CMKLR1: variants seen among roughly 807,000 people sequenced by gnomAD.
The protein encoded by CMKLR1 is chemerin-like receptor 1.
Under a neutral mutation model 8.2 loss-of-function variants are expected in CMKLR1, and 6 were observed. The observed-to-expected ratio is 0.73, with a 90% confidence interval of 0.40 to 1.44. The LOEUF (loss-of-function observed/expected upper bound fraction) is 1.44. Ranked by LOEUF, CMKLR1 falls within the 40% of genes most tolerant of loss-of-function variation. The pLI is 0.02. For missense variants in CMKLR1, 429 were observed against 478.0 expected, an observed-to-expected ratio of 0.90 and a Z score of 0.96; for synonymous variants, 178 against 181.2, an observed-to-expected ratio of 0.98 and a Z score of 0.14.
At chr12:108,334,006 C>G (rs953097403) in intron 1 of CMKLR1, among the ~76,000 whole-genome samples, 3 of 152,244 alleles carry the variant, frequency 2.0e-5, no homozygotes, top group African/African-American at 7.2e-5. Flanking sequence ...CTACGGCCAC[C>G]TCCTCAGCAG....
chr12:108,297,339 T>TA (rs1052894245), intron 2 of CMKLR1, among the ~76,000 whole-genome samples: 3 of 152,162 alleles, frequency 2.0e-5, no homozygotes, highest in South Asian at 4.2e-4. Flanking sequence ...ACATATAACA[T>TA]AAAAAAATAC....
intron 2 of CMKLR1, among the ~76,000 whole-genome samples, chr12:108,314,080 G>C (rs759649001): frequency 2.6e-5 from 4 of 152,308 alleles, no homozygotes. Context: ...CAGGTTTGTC[G>C]ATTTTTTATT....
chr12:108,339,199 C>G lies in CMKLR1; in HGVS notation c.-459G>C, dbSNP rs996576167. The G allele has an allele frequency of 2.0e-5, 3 of 152,378 alleles. No homozygotes were observed. The highest frequency in any genetic ancestry group is 6.5e-5 in the Admixed American group (1 of 15,282). 9.4% of individuals were successfully genotyped at this position (152,378 alleles called of 1,614,324 possible). On this transcript the variant is annotated 5_prime_UTR_variant, in exon 1 of 4. Coordinates refer to ENST00000550402, the MANE Select transcript of CMKLR1 (RefSeq NM_001142343.2). ...TCATTCATTTGTTCATTCAAGATCC[C>G]CCTCTGAACCCCCAGAGCGCCGCAG...
At chr12:108,309,532 T>G (rs1409672044) in intron 2 of CMKLR1, among the ~76,000 whole-genome samples, 1 of 146,542 alleles carries the variant, frequency 6.8e-6, no homozygotes, top group South Asian at 2.1e-4. Context: ...GAGACCTCCA[T>G]CTCCAAAAAA....
At chr12:108,314,723 T>C (rs763830254) in intron 2 of CMKLR1, among the ~76,000 whole-genome samples, 1 of 151,018 alleles carries the variant, frequency 6.6e-6, no homozygotes, top group Non-Finnish European at 1.5e-5. Flanking sequence ...AGTGGGACAC[T>C]ACTCTTTCTT....
intron 2 of CMKLR1, among the ~76,000 whole-genome samples, chr12:108,308,474 C>T (rs1034952019): frequency 3.4e-5 from 5 of 149,174 alleles, no homozygotes; most frequent in African/African-American, 7.3e-5. Flanking sequence ...TCTCGCTGGC[C>T]GCTCAACAGC....
chr12:108,337,302 T>G (rs1037926709), intron 1 of CMKLR1, among the ~76,000 whole-genome samples: 3 of 152,176 alleles, frequency 2.0e-5, no homozygotes, highest in Non-Finnish European at 4.4e-5. Flanking sequence ...GTTTGCAAAC[T>G]GAGAGGAGTT....
At chr12:108,323,750 C>T (rs1891915542) in intron 2 of CMKLR1, among the ~76,000 whole-genome samples, 1 of 152,228 alleles carries the variant, frequency 6.6e-6, no homozygotes, top group Admixed American at 6.5e-5. Context: ...AGAAACAGGA[C>T]TGGATGCCAG....
At chr12:108,327,970 T>C (rs1024174093) in intron 2 of CMKLR1, among the ~76,000 whole-genome samples, 3 of 152,144 alleles carry the variant, frequency 2.0e-5, no homozygotes, top group Non-Finnish European at 4.4e-5. Flanking sequence ...TCAGAAACCC[T>C]GTGATGGGGA....
chr12:108,293,519 T>TC (rs1242950885), intron 3 of CMKLR1, 70 bp downstream of exon 3: 3 of 1,517,114 alleles, frequency 2.0e-6, no homozygotes, highest in Admixed American at 2.0e-5. Flanking sequence ...CTTGTTGTGA[T>TC]CCCCCTGTGC....
intron 2 of CMKLR1, among the ~76,000 whole-genome samples, chr12:108,319,948 A>T (rs1593174018): frequency 6.6e-6 from 1 of 152,144 alleles, no homozygotes; most frequent in East Asian, 1.9e-4. Flanking sequence ...GAATACAAAG[A>T]TATAGTTCCC....
chr12:108,292,461 A>C lies in CMKLR1; in HGVS notation c.502T>G (p.Phe168Val), dbSNP rs116316255. The change falls in exon 4 of 4, where the codon TTC (phenylalanine) becomes GTC (valine). Residue 168 changes from phenylalanine to valine, a missense_variant. Phe to Val is a conservative substitution (Grantham distance 50). Transcript: ENST00000550402. Reference protein sequence around the residue: ...MACMVIWVLAFFLSSPSLVFR... With the variant: ...MACMVIWVLAVFLSSPSLVFR... ...ACGAGAGATGGGGAACTCAAGAAGA[A>C]AGCCAGGACCCAGATGACCATGCAG... 3 of 1,614,034 alleles carry C rather than the reference A, an allele frequency of 1.9e-6. No homozygotes were observed. The highest frequency in any genetic ancestry group is 3.3e-5 in the Admixed American group (2 of 60,010).
intron 2 of CMKLR1, among the ~76,000 whole-genome samples, chr12:108,298,481 G>A (rs562352297): frequency 5.3e-5 from 8 of 152,264 alleles, no homozygotes; most frequent in East Asian, 1.9e-4. Context: ...TACTGGAAAG[G>A]AGAACACATT....
chr12:108,323,103 A>G (rs557971946), intron 2 of CMKLR1, among the ~76,000 whole-genome samples: 17 of 152,210 alleles, frequency 1.1e-4, no homozygotes, highest in Admixed American at 5.9e-4. Flanking sequence ...TTGGGATTTC[A>G]TGAACTGGTT....
chr12:108,314,934 G>GTTTTTTTTT (rs3045858), intron 2 of CMKLR1, among the ~76,000 whole-genome samples: 2 of 109,606 alleles, frequency 1.8e-5, no homozygotes, highest in African/African-American at 7.5e-5. Flanking sequence ...ACACAGCCTT[G>GTTTTTTTTT]TTTTTTTTTT....
intron 1 of CMKLR1, among the ~76,000 whole-genome samples, chr12:108,333,609 G>A (rs1310417380): frequency 6.6e-6 from 1 of 152,184 alleles, no homozygotes; most frequent in Non-Finnish European, 1.5e-5. Context: ...AACCCTGACA[G>A]GCAGGTACTC....
At chr12:108,338,126 A>G (rs1251580065) in intron 1 of CMKLR1, among the ~76,000 whole-genome samples, 1 of 152,222 alleles carries the variant, frequency 6.6e-6, no homozygotes, top group East Asian at 1.9e-4. Flanking sequence ...CTGATGTTGT[A>G]ATGCTTATAA....
intron 1 of CMKLR1, among the ~76,000 whole-genome samples, chr12:108,333,705 G>A (rs1892159625): frequency 6.6e-6 from 1 of 152,182 alleles, no homozygotes; most frequent in Non-Finnish European, 1.5e-5. Flanking sequence ...GGAGCACTTG[G>A]ATCTGGGATC....
At chr12:108,329,116 G>T (rs182194563) in intron 2 of CMKLR1, among the ~76,000 whole-genome samples, 164 of 152,360 alleles carry the variant, frequency 1.1e-3, no homozygotes, top group African/African-American at 3.8e-3. Flanking sequence ...GCTTCGGGTT[G>T]TCTGGAATCT....
Sources: allele counts gnomAD v4.1 joint callset (sites outside exome capture counted in the v4.1 genomes callset), GRCh38; gene constraint gnomAD v4.1.1; transcripts MANE v1.5; gene names NCBI Gene and HGNC (gene_info 2026-07-23, HGNC 2026-07-21).